The following CTNNA2 variants were observed in gnomAD, a reference collection of about 807,000 sequenced individuals.
The protein encoded by CTNNA2 is catenin alpha 2.
A neutral mutation model predicts 101.0 loss-of-function variants in CTNNA2; 42 were observed. That is an observed-to-expected ratio of 0.42 (90% confidence interval 0.32 to 0.54). The LOEUF is 0.54. Among genes scored for constraint, CTNNA2 ranks in the 20% least tolerant of loss-of-function variants. CTNNA2 has a pLI of 0.14. For synonymous variants in CTNNA2, 450 were observed against 456.4 expected, an observed-to-expected ratio of 0.99 and a Z score of 0.18; for missense variants, 871 against 1,223.1, an observed-to-expected ratio of 0.71 and a Z score of 4.29.
chr2:79,858,637 C>T (rs1045271344), intron 4 of CTNNA2, among the ~76,000 whole-genome samples: 1 of 152,134 alleles, frequency 6.6e-6, no homozygotes, highest in Non-Finnish European at 1.5e-5. Context: ...TAGCCTTGCT[C>T]TCCTGTAGAT....
At chr2:79,536,064 TCA>T (rs1673036626) in intron 1 of CTNNA2, among the ~76,000 whole-genome samples, 1 of 152,148 alleles carries the variant, frequency 6.6e-6, no homozygotes, top group Non-Finnish European at 1.5e-5. Context: ...TTCAGAGGGG[TCA>T]CAGCAGGGAA....
At chr2:79,447,642 G>C (rs1167233843) in intron 4 of CTNNA2, among the ~76,000 whole-genome samples, 1 of 151,982 alleles carries the variant, frequency 6.6e-6, no homozygotes, top group Non-Finnish European at 1.5e-5. Context: ...AGACTGTCAA[G>C]GACATTGAGT....
chr2:79,571,816 T>C (rs977630731), intron 1 of CTNNA2, among the ~76,000 whole-genome samples: 1 of 152,192 alleles, frequency 6.6e-6, no homozygotes, highest in Non-Finnish European at 1.5e-5. Context: ...ATATTGTTTT[T>C]TCTTGTTCAA....
At chr2:80,366,161 G>T (rs1044399295) in intron 7 of CTNNA2, among the ~76,000 whole-genome samples, 1 of 152,112 alleles carries the variant, frequency 6.6e-6, no homozygotes, top group African/African-American at 2.4e-5. Flanking sequence ...TGGGGTTCTG[G>T]TCCCACCTCT....
At chr2:80,162,358 T>C in intron 7 of CTNNA2, 1 of 1,208,978 alleles carries the variant, frequency 8.3e-7, no homozygotes, top group South Asian at 1.6e-5. Flanking sequence ...GTAAAGCTGC[T>C]CTGTACAGTT....
chr2:79,521,078 A>T (rs1672077884), intron 1 of CTNNA2, among the ~76,000 whole-genome samples: 1 of 135,686 alleles, frequency 7.4e-6, no homozygotes, highest in African/African-American at 2.7e-5. Context: ...TTTGAAAGTT[A>T]CCCCTTTGAG....
intron 11 of CTNNA2, 77 bp downstream of exon 11, chr2:80,546,140 G>A: frequency 6.5e-7 from 1 of 1,541,296 alleles, no homozygotes; most frequent in South Asian, 1.2e-5. Flanking sequence ...TCTCGCAAAT[G>A]TCATGGATCT....
chr2:79,765,466 G>A (rs553327738), intron 3 of CTNNA2, among the ~76,000 whole-genome samples: 5 of 152,080 alleles, frequency 3.3e-5, no homozygotes, highest in South Asian at 2.1e-4. Context: ...CATTAAAATC[G>A]CCTGGGGAGC....
chr2:79,949,118 T>C (rs1488645332), intron 7 of CTNNA2, among the ~76,000 whole-genome samples: 1 of 152,186 alleles, frequency 6.6e-6, no homozygotes, highest in Non-Finnish European at 1.5e-5. Context: ...ATATAAACTT[T>C]CAAATGCTGA....
intron 1 of CTNNA2, among the ~76,000 whole-genome samples, chr2:79,585,038 G>A (rs1015436357): frequency 6.6e-6 from 1 of 152,028 alleles, no homozygotes; most frequent in African/African-American, 2.4e-5. Flanking sequence ...TCTTCCACTG[G>A]TGTTCAAATA....
Position 79,220,336 on chromosome 2 carries a change from A to G in CTNNA2, c.-406+22260A>G, listed in dbSNP as rs530560653. Among the ~76,000 whole-genome samples, 123 of 152,282 alleles carry G rather than the reference A, an allele frequency of 8.1e-4. 4 individuals are homozygous for G. In the South Asian group the frequency reaches 0.024, roughly 30 times the overall value. On this transcript the variant is annotated intron_variant, in intron 2 of 21. Transcript: ENST00000466387. ...TGGTGGAAGGCAGATGAAGACAAAA[A>G]CATCCACTTTATTACTGGCAGAACT... is the stretch of plus-strand genomic sequence containing the variant.
At chr2:80,359,148 G>A (rs186194458) in intron 7 of CTNNA2, among the ~76,000 whole-genome samples, 15 of 152,212 alleles carry the variant, frequency 9.9e-5, no homozygotes, top group Admixed American at 7.9e-4. Flanking sequence ...GGCTGAGGCA[G>A]GAGTATTACT....
intron 17 of CTNNA2, among the ~76,000 whole-genome samples, chr2:80,610,114 G>A (rs942071894): frequency 6.6e-6 from 1 of 151,682 alleles, no homozygotes; most frequent in Non-Finnish European, 1.5e-5. Flanking sequence ...TGAGGCAAAT[G>A]CATTATAAAT....
At chr2:80,259,550 G>A (rs896936875) in intron 7 of CTNNA2, among the ~76,000 whole-genome samples, 2 of 152,082 alleles carry the variant, frequency 1.3e-5, no homozygotes, top group Admixed American at 6.6e-5. Flanking sequence ...GTCCTAAGTG[G>A]CCTGTTCTGA....
chr2:79,467,222 T>A (rs979781644), intron 4 of CTNNA2, among the ~76,000 whole-genome samples: 2 of 152,076 alleles, frequency 1.3e-5, no homozygotes, highest in Admixed American at 1.3e-4. Flanking sequence ...GAGAACTACA[T>A]GACAAATGCA....
At chr2:79,794,393 G>C (rs1675531321) in intron 3 of CTNNA2, among the ~76,000 whole-genome samples, 1 of 151,816 alleles carries the variant, frequency 6.6e-6, no homozygotes, top group South Asian at 2.1e-4. Context: ...GAACCTCAAA[G>C]TGAGTATTTA....
chr2:79,276,538 A>T (rs1051038763), intron 2 of CTNNA2, among the ~76,000 whole-genome samples: 3 of 152,088 alleles, frequency 2.0e-5, no homozygotes, highest in African/African-American at 7.2e-5. Context: ...TGATATTGAT[A>T]TTGCCAACCT....
chr2:79,726,995 A>C (rs988539331), intron 2 of CTNNA2, among the ~76,000 whole-genome samples: 3 of 152,232 alleles, frequency 2.0e-5, no homozygotes, highest in Admixed American at 1.3e-4. Flanking sequence ...AGCAAATGAA[A>C]ACCGGAAGTG....
intron 7 of CTNNA2, among the ~76,000 whole-genome samples, chr2:79,930,018 C>T (rs1036770599): frequency 6.6e-6 from 1 of 152,022 alleles, no homozygotes; most frequent in Non-Finnish European, 1.5e-5. Context: ...GGACAGATCA[C>T]CTGAGGTTGG....
Sources: allele counts gnomAD v4.1 joint callset (sites outside exome capture counted in the v4.1 genomes callset), GRCh38; gene constraint gnomAD v4.1.1; transcripts MANE v1.5; gene names NCBI Gene and HGNC (gene_info 2026-07-23, HGNC 2026-07-21).